ABCC5: variants seen among roughly 807,000 people sequenced by gnomAD.
ABCC5 encodes ATP binding cassette subfamily C member 5.
In ABCC5, 61 loss-of-function variants were observed where a neutral mutation model predicts 160.9. That is an observed-to-expected ratio of 0.38 (90% CI 0.31 to 0.47). The LOEUF is 0.47. ABCC5 is among the 20% of genes least tolerant of loss of function. The pLI is 0.99. For missense variants in ABCC5, 1,308 were observed against 1,813.3 expected (o/e 0.72, Z 5.06); for synonymous variants, 666 against 700.6 (o/e 0.95, Z 0.78).
intron 2 of ABCC5, chr3:184,011,300 A>G (rs1721721693): frequency 6.6e-6 from 1 of 152,184 alleles, no homozygotes; most frequent in Non-Finnish European, 1.5e-5. Flanking sequence ...CTAATCTAAG[A>G]TAAAAATCTA....
chr3:183,995,922 C>A (rs999222400), intron 2 of ABCC5, among the ~76,000 whole-genome samples: 1 of 152,184 alleles, frequency 6.6e-6, no homozygotes, highest in South Asian at 2.1e-4. Flanking sequence ...ATTCTCCTGC[C>A]TCAGCCTCCC....
At position 183,982,348 on chromosome 3, in the gene ABCC5, C is replaced by T. The variant is rs1320410516; in HGVS notation, c.999+103G>A. On this transcript the variant is annotated intron_variant, in intron 7 of 29. Coordinates refer to ENST00000334444, the MANE Select transcript of ABCC5 (RefSeq NM_005688.4). The surrounding 1 kb of genome is among the most constrained non-coding windows in gnomAD (Gnocchi z 5.2). ...GATTGAACCTGCTTTGAGGAAATTT[C>T]CAATCAGAGCTGTGAGACCTCAGCA... 3.0e-6 allele frequency: 4 copies of T among 1,318,330 alleles called. No individual in the cohort carries two copies. In the South Asian group the frequency reaches 4.5e-5, roughly 15 times the overall value. 81.7% of individuals were successfully genotyped at this position (1,318,330 alleles called of 1,614,324 possible).
intron 9 of ABCC5, 117 bp downstream of exon 9, chr3:183,978,386 T>C (rs1337158567): frequency 2.5e-6 from 3 of 1,215,918 alleles, no homozygotes; most frequent in East Asian, 4.7e-5. Flanking sequence ...TGGAGTGCAA[T>C]GGCATGATCT....
At chr3:183,940,280 T>G (rs775043869) in intron 25 of ABCC5, among the ~76,000 whole-genome samples, 3 of 151,256 alleles carry the variant, frequency 2.0e-5, no homozygotes, top group Non-Finnish European at 4.4e-5. Context: ...GGTGGATTAC[T>G]TGAGGCCAGG....
chr3:183,954,234 G>C (rs975161493), intron 17 of ABCC5, among the ~76,000 whole-genome samples: 1 of 152,042 alleles, frequency 6.6e-6, no homozygotes, highest in African/African-American at 2.4e-5. Flanking sequence ...TGCAACCTCC[G>C]CCTTCCCGGG....
chr3:183,985,649 T>C, intron 5 of ABCC5: 1 of 489,788 alleles, frequency 2.0e-6, no homozygotes, highest in South Asian at 2.0e-5. Flanking sequence ...CCTGGTCTTT[T>C]AGAACTGTCT....
chr3:183,921,698 A>G lies in ABCC5; in HGVS notation c.4213-297T>C, dbSNP rs1322470007. Among the ~76,000 whole-genome samples the G allele has an allele frequency of 6.6e-6, 1 of 152,182 alleles. No homozygotes were observed. The highest frequency in any genetic ancestry group is 2.4e-5 in the African/African-American group (1 of 41,514). ...CCAGACCTCCTTCACATAAATCCAAATTCCTTCAGCCTTGGGAGTGAAGGA... is the reference window on the plus strand; with the variant it reads ...CCAGACCTCCTTCACATAAATCCAAGTTCCTTCAGCCTTGGGAGTGAAGGA... On this transcript the variant is annotated intron_variant, in intron 29 of 29. Transcript: ENST00000334444. The surrounding 1 kb of genome is among the most constrained non-coding windows in gnomAD (Gnocchi z 4.1).
At chr3:183,947,644 A>C in intron 22 of ABCC5, 134 bp from the exon 23 acceptor site, 2 of 725,872 alleles carry the variant, frequency 2.8e-6, no homozygotes, top group East Asian at 2.8e-5. Flanking sequence ...AATGCCCTGG[A>C]AACTCCAGGA....
intron 26 of ABCC5, among the ~76,000 whole-genome samples, chr3:183,935,263 C>T (rs146877531): frequency 0.013 from 1,934 of 152,030 alleles, 40 homozygotes; most frequent in African/African-American, 0.044. Flanking sequence ...ACACTGTAAC[C>T]TCCACCTCCC....
chr3:184,011,627 C>G (rs1721750428), intron 2 of ABCC5, among the ~76,000 whole-genome samples: 2 of 152,078 alleles, frequency 1.3e-5, no homozygotes, highest in South Asian at 4.1e-4. Flanking sequence ...TGTATAATTG[C>G]CATTAACTGG....
In ABCC5 at chr3:183,921,364, T is replaced by C. The variant is rs1023050937; in HGVS notation, c.4250A>G (p.Asn1417Ser). ...CATGGCATAGAATCGGGAACTGTCGTTGGACAGAAGGACCGATGGGGTGTC... is the reference window on the plus strand; with the variant it reads ...CATGGCATAGAATCGGGAACTGTCGCTGGACAGAAGGACCGATGGGGTGTC... The part of the protein sequence containing the change: ...EFDTPSVLLS[N>S]DSSRFYAMFA... Residue 1417 changes from asparagine to serine, a missense_variant, in exon 30 of 30, where the codon AAC becomes AGC. Asn to Ser is a conservative substitution (Grantham distance 46). Transcript: ENST00000334444. This position sits in a 1 kb window ranked among gnomAD's most constrained non-coding sequence, Gnocchi z 4.1. 10 of 1,613,076 alleles carry C rather than the reference T, an allele frequency of 6.2e-6. No individual in the cohort carries two copies. Among genetic ancestry groups the C allele is most frequent in the African/African-American group, 5.3e-5 (4 of 74,856 alleles).
intron 29 of ABCC5, among the ~76,000 whole-genome samples, chr3:183,925,338 A>G (rs1712428688): frequency 6.6e-6 from 1 of 152,240 alleles, no homozygotes; most frequent in Non-Finnish European, 1.5e-5. Context: ...AAGCAACAAA[A>G]GGACAAATTA....
chr3:183,942,539 A>G (rs1388451329), intron 25 of ABCC5, 188 bp downstream of exon 25: 1 of 748,954 alleles, frequency 1.3e-6, no homozygotes, highest in East Asian at 2.7e-5. Flanking sequence ...GTGCACATTT[A>G]TGACTGTGAA....
In ABCC5 at chr3:183,921,096, T is replaced by C. The variant is rs1711924611; in HGVS notation, c.*204A>G. ...AGTGCAATTAAGAACAAAAACTAAA[T>C]TTTGTTTACATGAATATGGAATAAA... On this transcript the variant is annotated 3_prime_UTR_variant, in exon 30 of 30. Transcript: ENST00000334444. The surrounding 1 kb of genome is among the most constrained non-coding windows in gnomAD (Gnocchi z 4.1). 1 of 441,020 alleles carries C rather than the reference T, an allele frequency of 2.3e-6. No individual in the cohort carries two copies. The highest frequency in any genetic ancestry group is 4.1e-6 in the Non-Finnish European group (1 of 245,236). 27.3% of individuals were successfully genotyped at this position (441,020 alleles called of 1,614,324 possible).
In ABCC5 at chr3:183,928,797, T is replaced by C. The variant is rs1274132670; in HGVS notation, c.3883A>G (p.Thr1295Ala). ...RSNLDPFNQY[T>A]EDQIWDALER... ...AGGGCATCCCAAATCTGGTCTTCAGTGTACTGGTTGAAGGGGTCCAAATTT... is the reference window on the plus strand; with the variant it reads ...AGGGCATCCCAAATCTGGTCTTCAGCGTACTGGTTGAAGGGGTCCAAATTT... Residue 1295 changes from threonine to alanine, a missense_variant, in exon 27 of 30, where the codon ACT (threonine) becomes GCT (alanine). Physicochemically the swap from Thr to Ala is moderately conservative, Grantham distance 58 (BLOSUM62 0). Around this residue, in one of 3 missense-constraint regions of ABCC5, gnomAD observed 163 missense variants for 269.7 expected, o/e 0.60. Transcript: ENST00000334444. The C allele has an allele frequency of 1.2e-6, 2 of 1,614,050 alleles. No homozygotes were observed. Among genetic ancestry groups the C allele is most frequent in the African/African-American group, 2.7e-5 (2 of 74,918 alleles).
chr3:183,972,075 A>C (rs2108836857), intron 10 of ABCC5, 156 bp from the exon 11 acceptor site: 963 of 1,438,240 alleles, frequency 6.7e-4, no homozygotes, highest in Non-Finnish European at 8.0e-4. Context: ...GCCCAATCTC[A>C]GGCCCATCAA....
intron 12 of ABCC5, 112 bp downstream of exon 12, chr3:183,967,581 CTG>C: frequency 1.1e-6 from 1 of 898,868 alleles, no homozygotes; most frequent in Non-Finnish European, 1.8e-6. Flanking sequence ...ACAATGCAGG[CTG>C]AGGGTTCATT....
intron 17 of ABCC5, among the ~76,000 whole-genome samples, chr3:183,957,031 C>T (rs1480765904): frequency 2.8e-5 from 4 of 142,262 alleles, no homozygotes; most frequent in African/African-American, 7.9e-5. Flanking sequence ...TACATCACAT[C>T]GGTTACATGC....
chr3:183,988,495 G>A lies in ABCC5; in HGVS notation c.443+77C>T. 1 of 1,525,444 alleles carries A rather than the reference G, an allele frequency of 6.6e-7. No individual in the cohort carries two copies. The highest frequency in any genetic ancestry group is 1.3e-5 in the South Asian group (1 of 76,590). 94.5% of individuals were successfully genotyped at this position (1,525,444 alleles called of 1,614,324 possible). On this transcript the variant is annotated intron_variant, in intron 4 of 29. Coordinates refer to ENST00000334444, the MANE Select transcript of ABCC5 (RefSeq NM_005688.4). The surrounding 1 kb of genome is among the most constrained non-coding windows in gnomAD (Gnocchi z 4.4). ...CAGCTCGGCTCTTTAAAGACACAGA[G>A]CTGTGGACTTCACACTCCTAGCTCA...
Sources: gnomAD v4.1 joint callset for allele counts (sites outside exome capture counted in the v4.1 genomes callset) on GRCh38, gnomAD v4.1.1 for gene constraint, gnomAD v4.1.1 regional missense constraint, Gnocchi (gnomAD v3.1) non-coding constraint, MANE v1.5 for transcripts, NCBI Gene and HGNC (gene_info 2026-07-23, HGNC 2026-07-21) for gene names.